SCGN: variants seen among roughly 807,000 people sequenced by gnomAD.
SCGN encodes the protein secretagogin.
SCGN carries 30 observed loss-of-function variants against 39.7 expected under a neutral mutation model. The observed-to-expected ratio is 0.76, with a 90% CI of 0.57 to 1.03. The LOEUF (loss-of-function observed/expected upper bound fraction) is 1.03. Among genes scored for constraint, SCGN ranks in the 50% least tolerant of loss-of-function variants. SCGN has a pLI of 0.00. For missense variants in SCGN, 353 were observed against 349.4 expected (o/e 1.01, Z -0.08); for synonymous variants, 106 against 114.1 (o/e 0.93, Z 0.45).
rs1028707893 is a variant in SCGN at position 25,681,976 on chromosome 6, A to G, written c.497A>G (p.Asp166Gly). The change falls in exon 7 of 11, where the codon GAT becomes GGT. Residue 166 changes from aspartate to glycine, a missense_variant. Asp to Gly is a moderately conservative substitution (Grantham distance 94). Transcript: ENST00000377961. ...ATGAAGATTTTTGACAGAAATAAAG[A>G]TGGTCGGTTGGATCTAAATGACTTA... is the stretch of plus-strand genomic sequence containing the variant. ...TMMKIFDRNK[D>G]GRLDLNDLAR... 4 of 1,613,668 alleles carry G rather than the reference A, an allele frequency of 2.5e-6. No homozygotes were observed. In the African/African-American group the frequency reaches 4.0e-5, roughly 16 times the overall value.
intron 6 of SCGN, among the ~76,000 whole-genome samples, chr6:25,674,185 G>A (rs1759536994): frequency 1.3e-5 from 2 of 152,146 alleles, no homozygotes; most frequent in Non-Finnish European, 2.9e-5. Flanking sequence ...CAACATCCAA[G>A]CTATATCAGC....
chr6:25,680,908 T>A (rs535577557), intron 6 of SCGN, among the ~76,000 whole-genome samples: 1 of 152,288 alleles, frequency 6.6e-6, no homozygotes, highest in East Asian at 1.9e-4. Context: ...GATGGGGGAC[T>A]AATGCATTTT....
chr6:25,659,700 A>G (rs1169840627), intron 2 of SCGN, among the ~76,000 whole-genome samples: 1 of 152,180 alleles, frequency 6.6e-6, no homozygotes, highest in Non-Finnish European at 1.5e-5. Flanking sequence ...AGTTTGTACT[A>G]CTTTTCTACT....
At chr6:25,672,158 C>T (rs1168974954) in intron 6 of SCGN, among the ~76,000 whole-genome samples, 1 of 152,214 alleles carries the variant, frequency 6.6e-6, no homozygotes, top group African/African-American at 2.4e-5. Flanking sequence ...GAGCCCAGTA[C>T]CCCTTCTCTG....
At chr6:25,666,771 A>G (rs557698660) in intron 4 of SCGN, among the ~76,000 whole-genome samples, 1 of 152,246 alleles carries the variant, frequency 6.6e-6, no homozygotes, top group Admixed American at 6.5e-5. Flanking sequence ...CTGAATAAAT[A>G]AAATATAGGT....
intron 2 of SCGN, among the ~76,000 whole-genome samples, chr6:25,659,501 G>C (rs774628534): frequency 6.6e-6 from 1 of 152,100 alleles, no homozygotes; most frequent in Non-Finnish European, 1.5e-5. Flanking sequence ...AAAATGAAAG[G>C]GTAGTGTCTC....
intron 6 of SCGN, among the ~76,000 whole-genome samples, chr6:25,671,385 T>G (rs1478084242): frequency 7.2e-6 from 1 of 139,036 alleles, no homozygotes; most frequent in African/African-American, 2.7e-5. Flanking sequence ...CCCTGGAGAC[T>G]TCTCTGCTTT....
chr6:25,661,456 C>T (rs1160065467), intron 2 of SCGN, 96 bp from the exon 3 acceptor site: 5 of 854,402 alleles, frequency 5.9e-6, no homozygotes, highest in Non-Finnish European at 9.6e-6. Context: ...GTTTGAAAAA[C>T]ATAATTTTCA....
At chr6:25,663,357 T>A (rs1760372884) in intron 3 of SCGN, among the ~76,000 whole-genome samples, 1 of 152,158 alleles carries the variant, frequency 6.6e-6, no homozygotes, top group African/African-American at 2.4e-5. Context: ...TGTAGGTTGA[T>A]GGGAAAAGCA....
chr6:25,656,274 G>T (rs964154357), intron 2 of SCGN, among the ~76,000 whole-genome samples: 2 of 152,196 alleles, frequency 1.3e-5, no homozygotes, highest in African/African-American at 4.8e-5. Context: ...TTGCTCTGGT[G>T]TTCAGCAGTG....
intron 2 of SCGN, among the ~76,000 whole-genome samples, chr6:25,658,555 C>T (rs1760273238): frequency 6.6e-6 from 1 of 152,152 alleles, no homozygotes; most frequent in Non-Finnish European, 1.5e-5. Context: ...TCATCTCAAT[C>T]ACAAATGCTA....
At chr6:25,661,868 A>G (rs1305219871) in intron 3 of SCGN, among the ~76,000 whole-genome samples, 1 of 152,142 alleles carries the variant, frequency 6.6e-6, no homozygotes, top group East Asian at 1.9e-4. Context: ...TTCTTTTATC[A>G]TTTTATTTAG....
intron 6 of SCGN, among the ~76,000 whole-genome samples, chr6:25,681,516 T>C (rs1269413946): frequency 2.0e-5 from 3 of 152,248 alleles, no homozygotes; most frequent in Non-Finnish European, 2.9e-5. Flanking sequence ...GGCAGGATTG[T>C]ATTATTCTGT....
chr6:25,657,601 A>T (rs973366705), intron 2 of SCGN, among the ~76,000 whole-genome samples: 1 of 151,680 alleles, frequency 6.6e-6, no homozygotes. Flanking sequence ...GGGTTATCCC[A>T]CACAGGATCA....
chr6:25,693,761 T>C (rs1164940134), intron 10 of SCGN, among the ~76,000 whole-genome samples: 3 of 152,218 alleles, frequency 2.0e-5, no homozygotes, highest in Non-Finnish European at 4.4e-5. Flanking sequence ...TAGAAAAATG[T>C]TGAAAATAAA....
intron 10 of SCGN, among the ~76,000 whole-genome samples, chr6:25,699,036 G>C (rs962014048): frequency 5.9e-5 from 9 of 152,066 alleles, no homozygotes; most frequent in Non-Finnish European, 1.2e-4. Flanking sequence ...GATGTTTTTA[G>C]TGATTTTGTT....
At chr6:25,671,493 A>G (rs538115187) in intron 6 of SCGN, among the ~76,000 whole-genome samples, 1 of 152,332 alleles carries the variant, frequency 6.6e-6, no homozygotes, top group East Asian at 1.9e-4. Flanking sequence ...ATTGGCCTAG[A>G]CAGGAGAAAA....
chr6:25,673,737 T>C (rs1759529608), intron 6 of SCGN, among the ~76,000 whole-genome samples: 1 of 152,168 alleles, frequency 6.6e-6, no homozygotes, highest in Admixed American at 6.5e-5. Flanking sequence ...TGGAGACAGG[T>C]CCATAATCAA....
chr6:25,699,463 A>C (rs1759879515), intron 10 of SCGN, among the ~76,000 whole-genome samples: 1 of 151,492 alleles, frequency 6.6e-6, no homozygotes, highest in Non-Finnish European at 1.5e-5. Context: ...GGTGGTGGGC[A>C]CCTGTAATCC....
Sources: gnomAD v4.1 joint callset for allele counts (sites outside exome capture counted in the v4.1 genomes callset) on GRCh38, gnomAD v4.1.1 for gene constraint, MANE v1.5 for transcripts, NCBI Gene and HGNC (gene_info 2026-07-23, HGNC 2026-07-21) for gene names.